The following SEPTIN8 variants were observed in gnomAD, a reference collection of about 807,000 sequenced individuals.
The protein encoded by SEPTIN8 is septin 8.
A neutral mutation model predicts 53.1 loss-of-function variants in SEPTIN8; 22 were observed. The ratio of observed to expected loss-of-function variants is 0.41; its 90% confidence interval spans 0.30 to 0.59. The LOEUF is 0.59. Ranked by LOEUF, SEPTIN8 falls within the 20% of genes least tolerant of loss-of-function variation. The pLI is 0.24. For missense variants in SEPTIN8, 536 were observed against 638.7 expected (o/e 0.84, Z 1.73); for synonymous variants, 228 against 248.4 (o/e 0.92, Z 0.77).
chr5:132,764,009 A>G, intron 3 of SEPTIN8, 117 bp from the exon 4 acceptor site: 1 of 1,139,492 alleles, frequency 8.8e-7, no homozygotes, highest in Non-Finnish European at 1.2e-6. Context: ...TTCTGGGAAC[A>G]GCTTCTGCCT....
chr5:132,767,991 C>CACACACACACACACACACA (rs1581178346), intron 1 of SEPTIN8, among the ~76,000 whole-genome samples: 2 of 86,944 alleles, frequency 2.3e-5, no homozygotes, highest in East Asian at 2.4e-3. Context: ...ACACACGCAG[C>CACACACACACACACACACA]CGCAGAGCAC....
chr5:132,775,607 A>G (rs1014727955), intron 1 of SEPTIN8: 1 of 152,158 alleles, frequency 6.6e-6, no homozygotes, highest in African/African-American at 2.4e-5. Flanking sequence ...GTTTCTCTAC[A>G]TACCTCTCCC....
chr5:132,755,620 T>C (rs922956057), intron 9 of SEPTIN8, among the ~76,000 whole-genome samples: 2 of 152,184 alleles, frequency 1.3e-5, no homozygotes, highest in African/African-American at 4.8e-5. Flanking sequence ...ATGCATGTAA[T>C]ATGGTTCCGA....
At chr5:132,768,655 C>T (rs1756875193) in intron 1 of SEPTIN8, among the ~76,000 whole-genome samples, 1 of 152,230 alleles carries the variant, frequency 6.6e-6, no homozygotes, top group Admixed American at 6.5e-5. Context: ...GTGGGTGAGA[C>T]CACAGCTCCA....
At chr5:132,771,316 C>G (rs1757298218) in intron 1 of SEPTIN8, among the ~76,000 whole-genome samples, 1 of 152,140 alleles carries the variant, frequency 6.6e-6, no homozygotes, top group Admixed American at 6.5e-5. Context: ...AAATAAAGAC[C>G]CCTGTGATCC....
chr5:132,763,705 C>T lies in SEPTIN8; in HGVS notation c.534+1G>A, dbSNP rs1756242936. The T allele has an allele frequency of 6.2e-7, 1 of 1,613,346 alleles. No homozygotes were observed. Reference sequence around the variant, plus strand: ...GTGACAGCAGGTGGGGACAGGGATACCTTGCTGTCTAGTTTCTTCATGGTC... The same window carrying T: ...GTGACAGCAGGTGGGGACAGGGATATCTTGCTGTCTAGTTTCTTCATGGTC... On this transcript the variant is annotated splice_donor_variant, in intron 4 of 9. Coordinates refer to ENST00000378719, the MANE Select transcript of SEPTIN8 (RefSeq NM_001098811.2). LOFTEE classifies it high-confidence loss of function.
upstream of SEPTIN8, chr5:132,777,618 C>G (rs1757925461): frequency 1.0e-6 from 1 of 985,088 alleles, no homozygotes; most frequent in African/African-American, 1.7e-5. This position sits in a 1 kb window ranked among gnomAD's most constrained non-coding sequence, Gnocchi z 4.1. Context: ...CCCTAGAGAT[C>G]TCCCCCACCA....
chr5:132,752,330 C>T, intron 9 of SEPTIN8, 149 bp from the exon 10 acceptor site: 1 of 1,090,698 alleles, frequency 9.2e-7, no homozygotes, highest in Non-Finnish European at 1.3e-6. Flanking sequence ...AAAGAGTCTG[C>T]CCAAAGGCTA....
At chr5:132,777,266 ACT>A, upstream of SEPTIN8, 12 of 1,121,994 alleles carry the variant, frequency 1.1e-5, no homozygotes, top group Non-Finnish European at 1.3e-5. This position sits in a 1 kb window ranked among gnomAD's most constrained non-coding sequence, Gnocchi z 4.1. Context: ...CTTCCTGGAA[ACT>A]CCCCTTGGCG....
At chr5:132,770,083 ATATATGTAT>A in intron 1 of SEPTIN8, among the ~76,000 whole-genome samples, 1 of 51,358 alleles carries the variant, frequency 1.9e-5, no homozygotes, top group Admixed American at 2.9e-4. Flanking sequence ...ATATATATGT[ATATATGTAT>A]ATATATATGT....
upstream of SEPTIN8, chr5:132,777,587 G>A (rs1324383911): frequency 1.0e-6 from 1 of 980,030 alleles, no homozygotes; most frequent in Non-Finnish European, 1.2e-6. This position sits in a 1 kb window ranked among gnomAD's most constrained non-coding sequence, Gnocchi z 4.1. Context: ...CCCGTAAGGG[G>A]GAAGTGGGGC....
intron 1 of SEPTIN8, among the ~76,000 whole-genome samples, chr5:132,769,805 C>T (rs1300297729): frequency 6.6e-6 from 1 of 151,206 alleles, no homozygotes; most frequent in Admixed American, 6.6e-5. Flanking sequence ...ACTAACTTGG[C>T]CAAGCGTGGG....
chr5:132,752,893 A>C lies in SEPTIN8; in HGVS notation c.1287-712T>G, dbSNP rs558879471. ...TGGTGATATGCAGTACAGCTGCTGC[A>C]AGGAACTTGTAATGCAGCAACTGAG... On this transcript the variant is annotated intron_variant, in intron 9 of 9. Transcript: ENST00000378719. 6 of 1,614,134 alleles carry C rather than the reference A, an allele frequency of 3.7e-6. No individual in the cohort carries two copies. The East Asian group carries it at 1.3e-4, about 36-fold the overall frequency.
rs544420153 is a variant in SEPTIN8, at chr5:132,760,707, C to T, written c.1286+95G>A. The T allele has an allele frequency of 7.2e-5, 85 of 1,186,790 alleles. No individual in the cohort carries two copies. The highest frequency in any genetic ancestry group is 2.4e-4 in the Admixed American group (11 of 46,618). 73.5% of individuals were successfully genotyped at this position (1,186,790 alleles called of 1,614,324 possible). The stretch of plus-strand genomic sequence containing the variant: ...CAAACAGGAAAGGGGTAAGAGAGGG[C>T]GAGCAGGAGAGCGAGAAGGGAGGTG... On this transcript the variant is annotated intron_variant, in intron 9 of 9. Transcript: ENST00000378719. This position sits in a 1 kb window ranked among gnomAD's most constrained non-coding sequence, Gnocchi z 5.2.
intron 9 of SEPTIN8, chr5:132,754,290 G>C: frequency 3.0e-6 from 2 of 655,958 alleles, no homozygotes; most frequent in African/African-American, 1.8e-5. Flanking sequence ...TTTACAGATG[G>C]AGATGCTGAG....
At position 132,765,406 on chromosome 5, in the gene SEPTIN8, C is replaced by T; in HGVS notation, c.151+3G>A. ...CTGTCTGAGGCCAGGCCCTGACACT[C>T]ACCCACACAGAGGATGTTGAAGCTG... On this transcript the variant is annotated splice_donor_region_variant and intron_variant, in intron 2 of 9. Coordinates refer to ENST00000378719, the MANE Select transcript of SEPTIN8 (RefSeq NM_001098811.2). The T allele has an allele frequency of 6.2e-7, 1 of 1,613,454 alleles. No individual in the cohort carries two copies. Among genetic ancestry groups the T allele is most frequent in the Non-Finnish European group, 8.5e-7 (1 of 1,179,644 alleles).
intron 1 of SEPTIN8, among the ~76,000 whole-genome samples, chr5:132,772,716 G>T (rs1408036636): frequency 6.6e-6 from 1 of 152,208 alleles, no homozygotes; most frequent in African/African-American, 2.4e-5. Context: ...GCAGAGGTAT[G>T]GGGGTGGCAC....
At chr5:132,756,122 T>C in intron 9 of SEPTIN8, 1 of 985,446 alleles carries the variant, frequency 1.0e-6, no homozygotes, top group Non-Finnish European at 1.2e-6. Flanking sequence ...TAGAAAAGCA[T>C]GTTAACGTAA....
At chr5:132,759,061 A>G in intron 9 of SEPTIN8, 1 of 673,304 alleles carries the variant, frequency 1.5e-6, no homozygotes, top group Non-Finnish European at 2.8e-6. Flanking sequence ...AAGAGTATGC[A>G]TAACCAATCA....
Sources: allele counts gnomAD v4.1 joint callset (sites outside exome capture counted in the v4.1 genomes callset), GRCh38; gene constraint gnomAD v4.1.1; non-coding constraint Gnocchi (gnomAD v3.1); transcripts MANE v1.5; gene names NCBI Gene and HGNC (gene_info 2026-07-23, HGNC 2026-07-21).